The following SRRM2 variants were observed in gnomAD, a reference collection of about 807,000 sequenced individuals.
SRRM2 encodes the protein serine/arginine repetitive matrix protein 2.
Under a neutral mutation model 213.8 loss-of-function variants are expected in SRRM2, and 30 were observed. The observed-to-expected ratio is 0.14, with a 90% CI of 0.10 to 0.19. SRRM2 has a LOEUF of 0.19. Ranked by LOEUF, SRRM2 falls within the 10% of genes least tolerant of loss-of-function variation. SRRM2 has a pLI of 1.00. For synonymous variants in SRRM2, 2,025 were observed against 1,377.7 expected (o/e 1.47, Z -10.40); for missense variants, 4,904 against 3,647.0 (o/e 1.34, Z -8.88).
In SRRM2 at chr16:2,765,874, A is replaced by C. The variant is rs748284914; in HGVS notation, c.5346A>C (p.Thr1782=). Reference sequence around the variant, plus strand: ...GTTCCCGCTCAAGGAGAGAGAAAACAAGAACAACCCGACGTCGAGATAGGT... The same window carrying C: ...GTTCCCGCTCAAGGAGAGAGAAAACCAGAACAACCCGACGTCGAGATAGGT... ...RSRSRSRREK[T]RTTRRRDRSG... Residue 1782 remains threonine (T), a synonymous_variant, in exon 11 of 15, where the codon ACA becomes ACC. Transcript: ENST00000301740. 1 of 1,614,030 alleles carries C rather than the reference A, an allele frequency of 6.2e-7. No individual in the cohort carries two copies. Among genetic ancestry groups the C allele is most frequent in the Admixed American group, 1.7e-5 (1 of 60,022 alleles).
intron 12 of SRRM2, 39 bp from the exon 13 acceptor site, chr16:2,770,313 A>G (rs2068696373): frequency 6.5e-7 from 1 of 1,530,298 alleles, no homozygotes; most frequent in Non-Finnish European, 8.8e-7. Flanking sequence ...CGTGTGCTTG[A>G]AAGGGTGTGG....
Position 2,770,895 on chromosome 16 carries a change from C to T in SRRM2, c.*28C>T, listed in dbSNP as rs1432987923. Reference sequence around the variant, plus strand: ...TGTCTTTGGGGGATTCCACCACACCCAATGCTCTGGAGCCACAAGGAGTGT... The same window carrying T: ...TGTCTTTGGGGGATTCCACCACACCTAATGCTCTGGAGCCACAAGGAGTGT... On this transcript the variant is annotated 3_prime_UTR_variant, in exon 15 of 15. Coordinates refer to ENST00000301740, the MANE Select transcript of SRRM2 (RefSeq NM_016333.4). The T allele has an allele frequency of 1.1e-5, 17 of 1,613,370 alleles. No individual in the cohort carries two copies. Among genetic ancestry groups the T allele is most frequent in the Non-Finnish European group, 1.4e-5 (16 of 1,179,886 alleles).
Position 2,762,272 on chromosome 16 carries a change from G to A in SRRM2, c.1744G>A (p.Gly582Ser), listed in dbSNP as rs1489123310. Reference sequence around the variant, plus strand: ...TCGTTCTAGAACACCAGCCCGCCGGGGCAGGTCCCGCTCTAGAACACCTGC... The same window carrying A: ...TCGTTCTAGAACACCAGCCCGCCGGAGCAGGTCCCGCTCTAGAACACCTGC... ...RSRSRTPARR[G>S]RSRSRTPARR... Residue 582 changes from glycine to serine, a missense_variant, in exon 11 of 15, where the codon GGC becomes AGC. Physicochemically the swap from Gly to Ser is moderately conservative, Grantham distance 56. Coordinates refer to ENST00000301740, the MANE Select transcript of SRRM2 (RefSeq NM_016333.4). The A allele has an allele frequency of 1.9e-6, 3 of 1,603,586 alleles. No individual in the cohort carries two copies. Among genetic ancestry groups the A allele is most frequent in the Non-Finnish European group, 1.7e-6 (2 of 1,176,456 alleles).
chr16:2,759,619 C>A lies in SRRM2; in HGVS notation c.791C>A (p.Thr264Asn). 6.2e-7 allele frequency: 1 copy of A among 1,614,082 alleles called. No homozygotes were observed. Among genetic ancestry groups the A allele is most frequent in the Middle Eastern group, 1.6e-4 (1 of 6,062 alleles). Residue 264 changes from threonine (T) to asparagine (N), a missense_variant, in exon 9 of 15, where the codon ACT (threonine) becomes AAT (asparagine). Thr to Asn is a moderately conservative substitution (Grantham distance 65). Transcript: ENST00000301740. The part of the protein sequence containing the change: ...APKSRRAHRS[T>N]SADSASSSDT... ...AAGAGCCGCCGGGCCCACCGTTCAA[C>A]TTCTGCTGACTCTGCTTCCTCCTCC...
Position 2,759,189 on chromosome 16 carries a change from T to A in SRRM2, c.689+17T>A. 6.2e-7 allele frequency: 1 copy of A among 1,613,858 alleles called. No individual in the cohort carries two copies. On this transcript the variant is annotated intron_variant, in intron 7 of 14. Coordinates refer to ENST00000301740, the MANE Select transcript of SRRM2 (RefSeq NM_016333.4). ...TAAGCATAGGTAAGAGCTCTTTAAC[T>A]CATAGGGGGCGCAGTGGCATGTGGA...
Position 2,762,449 on chromosome 16 carries a change from G to C in SRRM2, c.1921G>C (p.Ala641Pro), listed in dbSNP as rs1853524877. 1.2e-6 allele frequency: 2 copies of C among 1,613,736 alleles called. No individual in the cohort carries two copies. Among genetic ancestry groups the C allele is most frequent in the South Asian group, 2.2e-5 (2 of 91,060 alleles). The change falls in exon 11 of 15, where the codon GCC becomes CCC. Residue 641 changes from alanine to proline, a missense_variant. Transcript: ENST00000301740. ...ACGCAGGTCTCGTAGTAGATCACCA[G>C]CCAGGAGAAGTGGCAGGTCACGCTC... The part of the protein sequence containing the change: ...VRRRSRSRSP[A>P]RRSGRSRSRT...
Position 2,765,115 on chromosome 16 carries a change from T to C in SRRM2, c.4587T>C (p.Ala1529=). The change falls in exon 11 of 15, where the codon GCT becomes GCC. Residue 1529 remains alanine (A), a synonymous_variant. Coordinates refer to ENST00000301740, the MANE Select transcript of SRRM2 (RefSeq NM_016333.4). ...CATCAGTTGATCAGAAAACTGTGGCTCGGACTCCCCTGGGGCAGAGAAGTC... is the reference window on the plus strand; with the variant it reads ...CATCAGTTGATCAGAAAACTGTGGCCCGGACTCCCCTGGGGCAGAGAAGTC... ...SESSVDQKTV[A]RTPLGQRSRS... The C allele has an allele frequency of 6.2e-7, 1 of 1,614,146 alleles. No homozygotes were observed. Among genetic ancestry groups the C allele is most frequent in the South Asian group, 1.1e-5 (1 of 91,076 alleles).
chr16:2,755,153 A>G (rs564000329), intron 1 of SRRM2, among the ~76,000 whole-genome samples: 1 of 152,356 alleles, frequency 6.6e-6, no homozygotes, highest in Non-Finnish European at 1.5e-5. Context: ...GAAAGAGAGT[A>G]TATGTAATAG....
chr16:2,761,608 C>A lies in SRRM2; in HGVS notation c.1080C>A (p.Gly360=), dbSNP rs746124561. The change falls in exon 11 of 15, where the codon GGC becomes GGA. Residue 360 remains glycine, a synonymous_variant. Transcript: ENST00000301740. ...CCTCTCCGGAAAGGAGCAGCACAGG[C>A]CCAGAACCACCTGCTCCCACTCCGC... ...PSPSPERSST[G]PEPPAPTPLL... 6.5e-7 allele frequency: 1 copy of A among 1,548,160 alleles called. No individual in the cohort carries two copies. Among genetic ancestry groups the A allele is most frequent in the South Asian group, 1.3e-5 (1 of 78,630 alleles).
rs760472912 is a variant in SRRM2 at position 2,770,973 on chromosome 16, C to T, written c.*106C>T. On this transcript the variant is annotated 3_prime_UTR_variant, in exon 15 of 15. Coordinates refer to ENST00000301740, the MANE Select transcript of SRRM2 (RefSeq NM_016333.4). The stretch of plus-strand genomic sequence containing the variant: ...GGGTCCTTGTCTGCTCTCCTTTGAA[C>T]CTTGGCAGCCCTTGGATGGAGGGCT... 5 of 1,396,628 alleles carry T rather than the reference C, an allele frequency of 3.6e-6. No individual in the cohort carries two copies. Among genetic ancestry groups the T allele is most frequent in the South Asian group, 1.3e-5 (1 of 79,164 alleles). The allele number at this position is 1,396,628 out of a possible 1,614,324, so 86.5% of individuals were successfully genotyped here. A position where few individuals can be genotyped will look rare whatever the true frequency, so the allele number is the denominator to read the frequency against.
At position 2,759,126 on chromosome 16, in the gene SRRM2, C is replaced by T. The variant is rs1250278550; in HGVS notation, c.657-14C>T. 11 of 1,613,954 alleles carry T rather than the reference C, an allele frequency of 6.8e-6. No individual in the cohort carries two copies. The highest frequency in any genetic ancestry group is 1.1e-5 in the South Asian group (1 of 91,072). On this transcript the variant is annotated splice_polypyrimidine_tract_variant and intron_variant, in intron 6 of 14. Transcript: ENST00000301740. Reference sequence around the variant, plus strand: ...AGGTGTTTCTTATGTTTTTTCTTCTCTTTTTTCCAACAGGTCAGAATCTGA... The same window carrying T: ...AGGTGTTTCTTATGTTTTTTCTTCTTTTTTTTCCAACAGGTCAGAATCTGA...
chr16:2,757,858 A>G lies in SRRM2; in HGVS notation c.428A>G (p.Asp143Gly). Residue 143 changes from aspartate to glycine, a missense_variant, in exon 4 of 15, where the codon GAT (aspartate) becomes GGT (glycine). Coordinates refer to ENST00000301740, the MANE Select transcript of SRRM2 (RefSeq NM_016333.4). ...ERLRAAFGIS[D>G]SYVDGSSFDP... ...CTCCGTGCTGCCTTTGGCATCAGTGATTCTTACGTAGATGGCAGCTCTTTT... is the reference window on the plus strand; with the variant it reads ...CTCCGTGCTGCCTTTGGCATCAGTGGTTCTTACGTAGATGGCAGCTCTTTT... 4 of 1,614,168 alleles carry G rather than the reference A, an allele frequency of 2.5e-6. No homozygotes were observed. Among genetic ancestry groups the G allele is most frequent in the Non-Finnish European group, 3.4e-6 (4 of 1,180,022 alleles).
rs1485950655 is a variant in SRRM2, at chr16:2,768,187, C to G, written c.7659C>G (p.Ser2553=). 2.5e-6 allele frequency: 4 copies of G among 1,610,662 alleles called. No individual in the cohort carries two copies. The African/African-American group carries it at 5.3e-5, about 21-fold the overall frequency. The change falls in exon 11 of 15, where the codon TCC becomes TCG. Residue 2553 remains serine, a synonymous_variant. Transcript: ENST00000301740. The stretch of plus-strand genomic sequence containing the variant: ...CTTCATCATCGTCGTCGTCGTCCTC[C>G]TCCTCCTCTGGCTCCAGTTCTAGTG... ...SSSSSSSSSS[S]SSSGSSSSDS... is the part of the protein sequence containing the mutation.
rs1555464843 is a variant in SRRM2 at position 2,769,135 on chromosome 16, C to T, written c.7872C>T (p.Ser2624=). The T allele has an allele frequency of 3.7e-6, 6 of 1,611,778 alleles. No individual in the cohort carries two copies. The highest frequency in any genetic ancestry group is 2.2e-5 in the East Asian group (1 of 44,864). ...SSSSSSSSSS[S]SSSSSSSSSS... Reference sequence around the variant, plus strand: ...CTTCATCTTCCTCCTCCTCCTCCTCCTCCTCTTCTTCCTCCTCCTCTTCCT... The same window carrying T: ...CTTCATCTTCCTCCTCCTCCTCCTCTTCCTCTTCTTCCTCCTCCTCTTCCT... The change falls in exon 12 of 15, where the codon TCC becomes TCT. Residue 2624 remains serine, a synonymous_variant. Coordinates refer to ENST00000301740, the MANE Select transcript of SRRM2 (RefSeq NM_016333.4).
intron 2 of SRRM2, among the ~76,000 whole-genome samples, chr16:2,757,066 A>G (rs2068168244): frequency 6.6e-6 from 1 of 152,114 alleles, no homozygotes; most frequent in Admixed American, 6.5e-5. Flanking sequence ...GGGAAGGGAA[A>G]TTTTGGAAAA....
rs2068579804 is a variant in SRRM2, at chr16:2,767,374, G to C, written c.6846G>C (p.Val2282=). 1 of 1,613,704 alleles carries C rather than the reference G, an allele frequency of 6.2e-7. No homozygotes were observed. The highest frequency in any genetic ancestry group is 1.3e-5 in the African/African-American group (1 of 74,920). The change falls in exon 11 of 15, where the codon GTG becomes GTC. Residue 2282 remains valine (V), a synonymous_variant. Coordinates refer to ENST00000301740, the MANE Select transcript of SRRM2 (RefSeq NM_016333.4). ...GAACAGCGGTGGCACCTTCGGCTGT[G>C]AACCTGGCTGACCCTCGCACTCCCA... ...SPRTAVAPSA[V]NLADPRTPTA...
Position 2,759,154 on chromosome 16 carries a change from C to G in SRRM2, c.671C>G (p.Ser224Cys). 6.2e-7 allele frequency: 1 copy of G among 1,614,114 alleles called. No individual in the cohort carries two copies. The highest frequency in any genetic ancestry group is 8.5e-7 in the Non-Finnish European group (1 of 1,180,024). ...KKKKHRSESE[S>C]KKRKHRSPTP... ...TTTTCCAACAGGTCAGAATCTGAGT[C>G]CAAGAAACGTAAGCATAGGTAAGAG... Residue 224 changes from serine (S) to cysteine (C), a missense_variant, in exon 7 of 15, where the codon TCC (serine) becomes TGC (cysteine). Physicochemically the swap from Ser to Cys is moderately radical, Grantham distance 112. Transcript: ENST00000301740.
At position 2,764,289 on chromosome 16, in the gene SRRM2, C is replaced by T. The variant is rs763526185; in HGVS notation, c.3761C>T (p.Ser1254Phe). The T allele has an allele frequency of 9.9e-6, 16 of 1,613,882 alleles. No individual in the cohort carries two copies. The Admixed American group carries it at 1.3e-4, about 13-fold the overall frequency. ...GAAGAACCCGCAGGCCAAATCCTGT[C>T]TCATTTGTCTTCAGAACTTAAAGAA... ...KSEEPAGQIL[S>F]HLSSELKEMS... The change falls in exon 11 of 15, where the codon TCT becomes TTT. Residue 1254 changes from serine to phenylalanine, a missense_variant. Coordinates refer to ENST00000301740, the MANE Select transcript of SRRM2 (RefSeq NM_016333.4).
chr16:2,764,468 C>T lies in SRRM2; in HGVS notation c.3940C>T (p.His1314Tyr). 2 of 1,613,320 alleles carry T rather than the reference C, an allele frequency of 1.2e-6. No homozygotes were observed. The change falls in exon 11 of 15, where the codon CAT becomes TAT. Residue 1314 changes from histidine to tyrosine, a missense_variant. By Grantham distance (83) the His-to-Tyr change is moderately conservative. Coordinates refer to ENST00000301740, the MANE Select transcript of SRRM2 (RefSeq NM_016333.4). ...SWGGPHFSPE[H>Y]KELSNSPLRE... ...GGGTGGGCCACATTTTTCTCCAGAA[C>T]ATAAAGAACTGTCTAACTCCCCACT... is the stretch of plus-strand genomic sequence containing the variant.
Sources: allele counts gnomAD v4.1 joint callset (sites outside exome capture counted in the v4.1 genomes callset), GRCh38; gene constraint gnomAD v4.1.1; transcripts MANE v1.5; gene names NCBI Gene and HGNC (gene_info 2026-07-23, HGNC 2026-07-21).